Variants in CDH2 observed in about 807,000 individuals in gnomAD.
CDH2 encodes cadherin 2, also known as cadherin-2.
In CDH2, 17 loss-of-function variants were observed where a neutral mutation model predicts 92.0. The ratio of observed to expected loss-of-function variants is 0.18; its 90% confidence interval spans 0.13 to 0.28. CDH2 has a LOEUF of 0.28. Among genes scored for constraint, CDH2 ranks in the 10% least tolerant of loss-of-function variants. CDH2 has a pLI of 1.00. For missense variants in CDH2, 862 were observed against 1,133.1 expected (o/e 0.76, Z 3.44); for synonymous variants, 419 against 415.9 (o/e 1.01, Z -0.09).
intron 5 of CDH2, among the ~76,000 whole-genome samples, chr18:28,006,582 T>C (rs2012926513): frequency 6.6e-6 from 1 of 151,172 alleles, no homozygotes; most frequent in Non-Finnish European, 1.5e-5. Context: ...AAAAATTAGC[T>C]GGGCCTGGTG....
At chr18:28,028,533 C>T (rs182598678) in intron 2 of CDH2, among the ~76,000 whole-genome samples, 4 of 152,106 alleles carry the variant, frequency 2.6e-5, no homozygotes, top group Admixed American at 1.3e-4. Context: ...TTAAGAAGTG[C>T]TTATTCTTTA....
intron 6 of CDH2, among the ~76,000 whole-genome samples, chr18:27,938,640 C>A (rs1446289744): frequency 6.6e-6 from 1 of 152,102 alleles, no homozygotes; most frequent in African/African-American, 2.4e-5. Flanking sequence ...TTATACTATA[C>A]CCTTTCACTC....
At chr18:28,103,194 C>T (rs568142928) in intron 2 of CDH2, among the ~76,000 whole-genome samples, 22 of 142,310 alleles carry the variant, frequency 1.5e-4, no homozygotes, top group African/African-American at 5.6e-4. Context: ...TATAAAAACT[C>T]CTTTATATAT....
rs897734272 is a variant in CDH2, at chr18:28,092,546, G to GA, written c.172+55126dup. On this transcript the variant is annotated intron_variant, in intron 2 of 15. Transcript: ENST00000269141. ...GGAATGAAATACTGATTAGAAGAGA[G>GA]AAAAAAAAAACAAAAGGATGAAAAG... Among the ~76,000 whole-genome samples the GA allele has an allele frequency of 2.9e-3, 400 of 137,438 alleles. 3 individuals are homozygous for GA. Among genetic ancestry groups the GA allele is most frequent in the African/African-American group, 8.7e-3 (326 of 37,396 alleles). 90.2% of individuals were successfully genotyped at this position (137,438 alleles called of 152,430 possible).
chr18:27,952,923 C>T (rs1437196861), intron 15 of CDH2, among the ~76,000 whole-genome samples: 1 of 152,038 alleles, frequency 6.6e-6, no homozygotes, highest in East Asian at 1.9e-4. Flanking sequence ...GCATTAAGAG[C>T]TAGGAGTTCA....
chr18:28,138,324 A>G (rs17536514), intron 2 of CDH2, among the ~76,000 whole-genome samples: 10,667 of 152,160 alleles, frequency 0.07, 463 homozygotes, highest in Non-Finnish European at 0.11. Flanking sequence ...AACACCCAGG[A>G]GTTTTAGTTA....
intron 2 of CDH2, among the ~76,000 whole-genome samples, chr18:28,104,768 T>C (rs1319743792): frequency 6.6e-6 from 1 of 151,950 alleles, no homozygotes; most frequent in Non-Finnish European, 1.5e-5. Flanking sequence ...AGATATATGT[T>C]CCATCTATAT....
In CDH2 at chr18:27,952,139, G is replaced by A. The variant is rs1039649370; in HGVS notation, c.*14C>T. On this transcript the variant is annotated 3_prime_UTR_variant, in exon 16 of 16. Transcript: ENST00000269141. ...TTGTTTGTACTTGTCCAAAAACCAAGTTCACCCTGAAGTTCAGTCATCACC... is the reference window on the plus strand; with the variant it reads ...TTGTTTGTACTTGTCCAAAAACCAAATTCACCCTGAAGTTCAGTCATCACC... The A allele has an allele frequency of 1.2e-6, 2 of 1,609,248 alleles. No homozygotes were observed. The highest frequency in any genetic ancestry group is 1.7e-5 in the Admixed American group (1 of 59,922).
chr18:28,031,766 T>C (rs1260759190), intron 2 of CDH2, among the ~76,000 whole-genome samples: 1 of 152,144 alleles, frequency 6.6e-6, no homozygotes, highest in Non-Finnish European at 1.5e-5. Flanking sequence ...GAGATTAGGC[T>C]CATTTTTGTC....
intron 2 of CDH2, 100 bp downstream of exon 2, chr18:28,147,573 A>G: frequency 1.5e-6 from 1 of 647,298 alleles, no homozygotes; most frequent in Non-Finnish European, 2.6e-6. Flanking sequence ...TGAAAAATTC[A>G]TACTTGTTAT....
At chr18:28,061,454 C>A (rs2014400251) in intron 2 of CDH2, among the ~76,000 whole-genome samples, 1 of 152,150 alleles carries the variant, frequency 6.6e-6, no homozygotes, top group Middle Eastern at 3.4e-3. Flanking sequence ...ACCAGCCTAG[C>A]CAACACGATG....
intron 13 of CDH2, among the ~76,000 whole-genome samples, chr18:27,984,407 C>T (rs911660689): frequency 2.6e-5 from 4 of 151,412 alleles, no homozygotes; most frequent in African/African-American, 9.7e-5. Context: ...TGCAAAGTAC[C>T]TTAAAAAGAA....
At chr18:27,988,796 T>A in intron 10 of CDH2, 130 bp from the exon 11 acceptor site, 1 of 673,260 alleles carries the variant, frequency 1.5e-6, no homozygotes, top group Non-Finnish European at 2.5e-6. Flanking sequence ...CATACAGCTT[T>A]AACAGGAAAA....
intron 15 of CDH2, among the ~76,000 whole-genome samples, chr18:27,956,850 CAGAG>C (rs200152859): frequency 1.3e-5 from 2 of 152,242 alleles, no homozygotes; most frequent in African/African-American, 4.8e-5. Flanking sequence ...AAGAAGTACA[CAGAG>C]AGGGAAAAAA....
At chr18:28,116,370 C>A (rs1379664548) in intron 2 of CDH2, among the ~76,000 whole-genome samples, 5 of 152,254 alleles carry the variant, frequency 3.3e-5, no homozygotes, top group South Asian at 2.1e-4. Flanking sequence ...AATAATGTGA[C>A]ATTTTTGAAT....
intron 2 of CDH2, among the ~76,000 whole-genome samples, chr18:28,020,033 A>G (rs1320426229): frequency 6.6e-6 from 1 of 152,116 alleles, no homozygotes; most frequent in East Asian, 1.9e-4. Context: ...TGCAAGTCAC[A>G]CAAATTAAAA....
At chr18:28,104,837 GAATT>G (rs2015295309) in intron 2 of CDH2, among the ~76,000 whole-genome samples, 1 of 151,394 alleles carries the variant, frequency 6.6e-6, no homozygotes, top group Admixed American at 6.6e-5. Context: ...TTCTGTTTGT[GAATT>G]AATTATGTGA....
intron 2 of CDH2, among the ~76,000 whole-genome samples, chr18:28,022,384 A>C (rs1409522638): frequency 6.6e-6 from 1 of 152,100 alleles, no homozygotes; most frequent in African/African-American, 2.4e-5. Flanking sequence ...TATATAAACT[A>C]ATATGCATAA....
At chr18:28,172,802 C>T (rs1027666151) in intron 1 of CDH2, among the ~76,000 whole-genome samples, 4 of 151,950 alleles carry the variant, frequency 2.6e-5, no homozygotes, top group African/African-American at 7.3e-5. Flanking sequence ...AGTGTATATA[C>T]GAACACAACA....
Sources: allele counts gnomAD v4.1 joint callset (sites outside exome capture counted in the v4.1 genomes callset), GRCh38; gene constraint gnomAD v4.1.1; transcripts MANE v1.5; gene names NCBI Gene and HGNC (gene_info 2026-07-23, HGNC 2026-07-21).